LTF: variants seen among roughly 807,000 people sequenced by gnomAD.
The protein encoded by LTF is lactotransferrin, also known as epididymis luminal protein 110.
In LTF, 91 loss-of-function variants were observed where a neutral mutation model predicts 87.2. The ratio of observed to expected loss-of-function variants is 1.04; its 90% CI spans 0.88 to 1.24. The LOEUF (loss-of-function observed/expected upper bound fraction) is 1.24, where lower values mean the gene tolerates loss of function less well. Among genes scored for constraint, LTF ranks in the 50% most tolerant of loss-of-function variants. LTF has a pLI of 0.00. For missense variants in LTF, 901 were observed against 904.3 expected, an observed-to-expected ratio of 1.00 and a Z score of 0.05; for synonymous variants, 378 against 356.1, an observed-to-expected ratio of 1.06 and a Z score of -0.69.
In LTF at chr3:46,439,342, C is replaced by T. The variant is rs142148325; in HGVS notation, c.1862G>A (p.Arg621Gln). 1.2e-4 allele frequency: 188 copies of T among 1,614,124 alleles called. No individual in the cohort carries two copies. The highest frequency in any genetic ancestry group is 4.7e-4 in the East Asian group (21 of 44,876). The change falls in exon 15 of 17, where the codon CGG (arginine) becomes CAG (glutamine). Residue 621 changes from arginine (R) to glutamine (Q), a missense_variant. Physicochemically the swap from Arg to Gln is conservative, Grantham distance 43. Coordinates refer to ENST00000231751, the MANE Select transcript of LTF (RefSeq NM_002343.6). ...TTTCAGGCGTTCCACCTTATCCATC[C>T]GAGACACCACGGCATGATTCGGGGC... ...AMAPNHAVVS[R>Q]MDKVERLKQV... is the part of the protein sequence containing the mutation.
At position 46,437,938 on chromosome 3, in the gene LTF, ACGGG is replaced by A. The variant is rs1219893358; in HGVS notation, c.2096_2098+1del. 6.2e-7 allele frequency: 1 copy of A among 1,613,370 alleles called. No individual in the cohort carries two copies. The highest frequency in any genetic ancestry group is 1.3e-5 in the African/African-American group (1 of 74,814). On this transcript the variant is annotated splice_donor_variant and coding_sequence_variant, in exon 16 of 17. Coordinates refer to ENST00000231751, the MANE Select transcript of LTF (RefSeq NM_002343.6). LOFTEE classifies it high-confidence loss of function. ...CGGGGATGCTAGCTAGGGTCTACTT[ACGGG>A]AGGTTGAGCACTTTTTCAGATTAGT...
At chr3:46,455,228 A>G in intron 5 of LTF, 67 bp downstream of exon 5, 1 of 1,595,354 alleles carries the variant, frequency 6.3e-7, no homozygotes, top group Non-Finnish European at 8.6e-7. Flanking sequence ...GGGGCCAGAG[A>G]AAAGGCCTCC....
At position 46,447,349 on chromosome 3, in the gene LTF, G is replaced by A. The variant is rs1449729979; in HGVS notation, c.1262C>T (p.Ala421Val). Residue 421 changes from alanine (A) to valine (V), a missense_variant, in exon 10 of 17, where the codon GCA (alanine) becomes GTA (valine). By Grantham distance (64) the Ala-to-Val change is moderately conservative. Coordinates refer to ENST00000231751, the MANE Select transcript of LTF (RefSeq NM_002343.6). ...GACAGGCACCAAACCACATTTGCCT[G>A]CAGTGTACACATATCCTCCATCCAA... is the stretch of plus-strand genomic sequence containing the variant. ...MSLDGGYVYT[A>V]GKCGLVPVLA... 10 of 1,614,012 alleles carry A rather than the reference G, an allele frequency of 6.2e-6. No individual in the cohort carries two copies. The highest frequency in any genetic ancestry group is 8.5e-6 in the Non-Finnish European group (10 of 1,180,002).
At chr3:46,449,621 C>A (rs1702747184) in intron 8 of LTF, among the ~76,000 whole-genome samples, 1 of 152,204 alleles carries the variant, frequency 6.6e-6, no homozygotes, top group African/African-American at 2.4e-5. Flanking sequence ...TAATAGGAGG[C>A]AAACTGATTT....
At chr3:46,452,541 G>A (rs1040641315) in intron 6 of LTF, among the ~76,000 whole-genome samples, 3 of 152,298 alleles carry the variant, frequency 2.0e-5, no homozygotes, top group African/African-American at 7.2e-5. Flanking sequence ...TATTTGAAAA[G>A]GAATAATAAA....
At chr3:46,446,848 T>G (rs902008435) in intron 10 of LTF, among the ~76,000 whole-genome samples, 1 of 152,230 alleles carries the variant, frequency 6.6e-6, no homozygotes, top group African/African-American at 2.4e-5. Flanking sequence ...ACATGCTGTG[T>G]AATTCCTTTA....
upstream of LTF, among the ~76,000 whole-genome samples, chr3:46,466,247 A>G (rs931874525): frequency 7.1e-6 from 1 of 141,424 alleles, no homozygotes; most frequent in Non-Finnish European, 1.6e-5. Flanking sequence ...AACCCCCACC[A>G]AAAAAAAAAA....
intron 15 of LTF, 104 bp from the exon 16 acceptor site, chr3:46,438,233 C>T: frequency 2.1e-6 from 2 of 942,966 alleles, no homozygotes; most frequent in South Asian, 1.5e-5. Flanking sequence ...CCTGAGAAAA[C>T]CATGGGGCAG....
chr3:46,462,362 C>A (rs567203746), intron 1 of LTF, among the ~76,000 whole-genome samples: 1 of 152,308 alleles, frequency 6.6e-6, no homozygotes, highest in East Asian at 1.9e-4. Flanking sequence ...GTTGCCACAG[C>A]TCCTCTGTAT....
chr3:46,437,632 A>T (rs964976031), intron 16 of LTF, among the ~76,000 whole-genome samples: 2 of 152,008 alleles, frequency 1.3e-5, no homozygotes, highest in African/African-American at 4.8e-5. Flanking sequence ...TGGTTTTGTC[A>T]TTTCTCAATG....
intron 14 of LTF, among the ~76,000 whole-genome samples, chr3:46,440,635 T>A (rs576106071): frequency 1.3e-5 from 2 of 152,344 alleles, no homozygotes; most frequent in South Asian, 4.1e-4. Flanking sequence ...CAAATTTACA[T>A]GTCTTGTTTT....
At chr3:46,444,753 G>C (rs576191370) in intron 12 of LTF, among the ~76,000 whole-genome samples, 111 of 152,244 alleles carry the variant, frequency 7.3e-4, no homozygotes, top group Non-Finnish European at 1.4e-3. Context: ...ACAGCAGGCA[G>C]GGTGTGGCTG....
At chr3:46,480,354 T>C (rs1222500848) in intron 1 of LTF, among the ~76,000 whole-genome samples, 6 of 152,200 alleles carry the variant, frequency 3.9e-5, no homozygotes, top group African/African-American at 1.4e-4. Context: ...CTCCGCAACC[T>C]TCCTAACTAC....
rs2106841998 is a variant in LTF, at chr3:46,443,591, A to C, written c.1514-9T>G. ...TTGACTGAAATATTCATCTGGAGAG[A>C]AGGAACACGGGGAGTCAGCTCTTCA... On this transcript the variant is annotated splice_polypyrimidine_tract_variant and intron_variant, in intron 12 of 16. Transcript: ENST00000231751. The C allele has an allele frequency of 6.2e-7, 1 of 1,613,958 alleles. No individual in the cohort carries two copies. Among genetic ancestry groups the C allele is most frequent in the Non-Finnish European group, 8.5e-7 (1 of 1,180,002 alleles).
intron 16 of LTF, 115 bp downstream of exon 16, chr3:46,437,825 T>C (rs1702421136): frequency 1.3e-6 from 1 of 775,138 alleles, no homozygotes; most frequent in Admixed American, 2.3e-5. Context: ...TAAAGAGATA[T>C]TATCTTTCCT....
At chr3:46,454,235 TC>T in intron 6 of LTF, 69 bp downstream of exon 6, 1 of 1,363,472 alleles carries the variant, frequency 7.3e-7, no homozygotes, top group Non-Finnish European at 1.0e-6. Flanking sequence ...TCTAATTAGC[TC>T]AAAGGTCAGA....
At chr3:46,455,555 G>T in intron 4 of LTF, 113 bp from the exon 5 acceptor site, 1 of 1,340,582 alleles carries the variant, frequency 7.5e-7, no homozygotes, top group Non-Finnish European at 1.0e-6. Context: ...ACCCCTGCAG[G>T]AGAGACTCTG....
chr3:46,483,137 G>A (rs1348046953), intron 1 of LTF, among the ~76,000 whole-genome samples: 2 of 152,236 alleles, frequency 1.3e-5, no homozygotes, highest in East Asian at 3.9e-4. Context: ...AGATACAATA[G>A]GCTGAAATAA....
At chr3:46,436,302 T>C in intron 16 of LTF, 73 bp from the exon 17 acceptor site, 1 of 1,361,038 alleles carries the variant, frequency 7.3e-7, no homozygotes, top group South Asian at 1.2e-5. Context: ...ATCCAATAAA[T>C]CAAAGAGAAT....
Sources: gnomAD v4.1 joint callset for allele counts (sites outside exome capture counted in the v4.1 genomes callset) on GRCh38, gnomAD v4.1.1 for gene constraint, MANE v1.5 for transcripts, NCBI Gene and HGNC (gene_info 2026-07-23, HGNC 2026-07-21) for gene names.